The following KCNT1 variants were observed in gnomAD, a reference collection of about 807,000 sequenced individuals.
KCNT1 encodes the protein potassium channel subfamily T member 1.
A neutral mutation model predicts 147.8 loss-of-function variants in KCNT1; 78 were observed. That is an observed-to-expected ratio of 0.53 (90% CI 0.44 to 0.64). The LOEUF (loss-of-function observed/expected upper bound fraction) is 0.64. Among genes scored for constraint, KCNT1 ranks in the 30% least tolerant of loss-of-function variants. The pLI is 0.00. For missense variants in KCNT1, 1,419 were observed against 1,750.3 expected (o/e 0.81, Z 3.38); for synonymous variants, 867 against 748.8 (o/e 1.16, Z -2.58).
At chr9:135,756,968 T>TCGCC in intron 7 of KCNT1, 36 bp downstream of exon 7, 1 of 852,574 alleles carries the variant, frequency 1.2e-6, no homozygotes, top group Non-Finnish European at 1.6e-6. Flanking sequence ...TCACAGGGGG[T>TCGCC]CCCCACCCTC....
In KCNT1 at chr9:135,792,493, G is replaced by A. The variant is rs1443716605; in HGVS notation, c.*332G>A. 3 of 242,284 alleles carry A rather than the reference G, an allele frequency of 1.2e-5. No individual in the cohort carries two copies. The highest frequency in any genetic ancestry group is 1.0e-4 in the South Asian group (2 of 19,656). The allele number at this position is 242,284 out of a possible 1,614,324, so 15.0% of individuals were successfully genotyped here. The stretch of plus-strand genomic sequence containing the variant: ...TGGACGCCCTACAGGGCCGAGCCCA[G>A]GCTGTGCTGGAGGGTGGGGCTGGGG... On this transcript the variant is annotated 3_prime_UTR_variant, in exon 31 of 31. Coordinates refer to ENST00000371757, the MANE Select transcript of KCNT1 (RefSeq NM_020822.3).
chr9:135,731,963 T>TATATAC (rs1459728562), intron 2 of KCNT1, among the ~76,000 whole-genome samples: 3 of 15,270 alleles, frequency 2.0e-4, no homozygotes, highest in African/African-American at 7.3e-4. Flanking sequence ...TATGCGTGTA[T>TATATAC]ATATATATAT....
intron 18 of KCNT1, 56 bp downstream of exon 18, chr9:135,771,151 A>G (rs1007717076): frequency 1.3e-6 from 2 of 1,494,568 alleles, no homozygotes; most frequent in Non-Finnish European, 1.8e-6. Context: ...GCGGGAGACC[A>G]GGCGGGACAC....
rs1330106369 is a variant in KCNT1, at chr9:135,770,921, C to T, written c.1834C>T (p.Pro612Ser). ...DNKSILLNPG[P>S]RHILAASDTC... ...CAAGAGCATCCTGCTGAACCCGGGGCCCCGGCACATCCTGGCCGCCTCTGA... is the reference window on the plus strand; with the variant it reads ...CAAGAGCATCCTGCTGAACCCGGGGTCCCGGCACATCCTGGCCGCCTCTGA... Residue 612 changes from proline to serine, a missense_variant, in exon 18 of 31, where the codon CCC becomes TCC. Pro to Ser is a moderately conservative substitution (Grantham distance 74). This residue lies in a region of KCNT1 where 284 missense variants were observed against 292.8 expected (regional missense o/e 0.97). Coordinates refer to ENST00000371757, the MANE Select transcript of KCNT1 (RefSeq NM_020822.3). 1.9e-6 allele frequency: 3 copies of T among 1,611,398 alleles called. No individual in the cohort carries two copies. In the Admixed American group the frequency reaches 5.0e-5, roughly 27 times the overall value.
At chr9:135,745,141 A>G (rs1425387008) in intron 2 of KCNT1, among the ~76,000 whole-genome samples, 1 of 152,210 alleles carries the variant, frequency 6.6e-6, no homozygotes, top group Non-Finnish European at 1.5e-5. Flanking sequence ...GCTGTTTGCC[A>G]GATAAACAAA....
intron 13 of KCNT1, among the ~76,000 whole-genome samples, chr9:135,767,654 A>G (rs1461059980): frequency 6.6e-6 from 1 of 151,900 alleles, no homozygotes; most frequent in East Asian, 1.9e-4. Context: ...GGTCACTGGC[A>G]CACACCTAGG....
rs1833216140 is a variant in KCNT1 at position 135,776,997 on chromosome 9, C to T, written c.2350-341C>T. On this transcript the variant is annotated intron_variant, in intron 20 of 30. Transcript: ENST00000371757. ...ACCTGGGCACGTGGCGTGCTCACTG[C>T]TGTTGGCATCCCTGCTCTGAGAAAA... is the stretch of plus-strand genomic sequence containing the variant. Among the ~76,000 whole-genome samples the T allele has an allele frequency of 2.6e-5, 4 of 152,382 alleles. No individual in the cohort carries two copies. The South Asian group carries it at 6.2e-4, about 24-fold the overall frequency.
intron 1 of KCNT1, among the ~76,000 whole-genome samples, chr9:135,708,376 C>T (rs564243805): frequency 5.3e-5 from 8 of 152,352 alleles, no homozygotes; most frequent in Non-Finnish European, 8.8e-5. Context: ...CTCATTTACA[C>T]ACACATCAGC....
rs1404806309 is a variant in KCNT1 at position 135,716,311 on chromosome 9, A to C, written c.254+1591A>C. Among the ~76,000 whole-genome samples, 3 of 152,104 alleles carry C rather than the reference A, an allele frequency of 2.0e-5. No individual in the cohort carries two copies. The South Asian group carries it at 6.2e-4, about 32-fold the overall frequency. ...TAACGCCTGTGGCTGTGGTTGATCA[A>C]ATTGTAATGCTGTATTCCTGAGTGT... On this transcript the variant is annotated intron_variant, in intron 2 of 30. Coordinates refer to ENST00000371757, the MANE Select transcript of KCNT1 (RefSeq NM_020822.3).
Position 135,768,829 on chromosome 9 carries a change from G to A in KCNT1, c.1402G>A (p.Asp468Asn). 2 of 1,610,416 alleles carry A rather than the reference G, an allele frequency of 1.2e-6. No homozygotes were observed. The highest frequency in any genetic ancestry group is 1.7e-4 in the Middle Eastern group (1 of 5,906). ...ACTGACCAACCACCCACCCCGCCAG[G>A]ACCACCAGACCATCCTGCGCGCCTG... ...SRNEVDRTAA[D>N]HQTILRAWAV... is the part of the protein sequence containing the mutation. The change falls in exon 15 of 31, where the codon GAC becomes AAC. Residue 468 changes from aspartate (D) to asparagine (N), a missense_variant and splice_region_variant. Physicochemically the swap from Asp to Asn is conservative, Grantham distance 23. Around this residue, in one of 5 missense-constraint regions of KCNT1, gnomAD observed 401 missense variants for 610.6 expected, o/e 0.66. Coordinates refer to ENST00000371757, the MANE Select transcript of KCNT1 (RefSeq NM_020822.3).
chr9:135,776,742 C>T (rs570193071), intron 20 of KCNT1, among the ~76,000 whole-genome samples: 13 of 152,324 alleles, frequency 8.5e-5, no homozygotes. Flanking sequence ...CTTGACAGAT[C>T]GTTATTGATT....
chr9:135,715,510 G>A (rs1835686870), intron 2 of KCNT1, among the ~76,000 whole-genome samples: 1 of 151,742 alleles, frequency 6.6e-6, no homozygotes, highest in African/African-American at 2.4e-5. Context: ...TCCTCTTCCA[G>A]CGTGTAGGGT....
rs769135500 is a variant in KCNT1, at chr9:135,786,396, G to A, written c.3377G>A (p.Arg1126Gln). 23 of 1,575,002 alleles carry A rather than the reference G, an allele frequency of 1.5e-5. No homozygotes were observed. The East Asian group carries it at 2.1e-4, about 14-fold the overall frequency. Reference protein sequence around the residue: ...LSRKAPKQAGRAAAAEWISQQ... With the variant: ...LSRKAPKQAGQAAAAEWISQQ... ...CGCAAGGCGCCCAAGCAGGCAGGCC[G>A]GGCGGCGGCCGCGGAGTGGATCAGC... The change falls in exon 29 of 31, where the codon CGG becomes CAG. Residue 1126 changes from arginine to glutamine, a missense_variant. Around this residue, in one of 5 missense-constraint regions of KCNT1, gnomAD observed 306 missense variants for 294.2 expected, o/e 1.04. Transcript: ENST00000371757.
intron 6 of KCNT1, 28 bp downstream of exon 6, chr9:135,755,197 G>T (rs368273155): frequency 6.3e-7 from 1 of 1,590,138 alleles, no homozygotes. Context: ...CCCCCCTCCC[G>T]ACTGCAGTGG....
intron 11 of KCNT1, among the ~76,000 whole-genome samples, chr9:135,762,102 C>G (rs1831953831): frequency 6.6e-6 from 1 of 152,256 alleles, no homozygotes; most frequent in South Asian, 2.1e-4. Flanking sequence ...CCTTCCCATT[C>G]TGCTCCTGAA....
chr9:135,785,627 A>G, intron 28 of KCNT1: 1 of 573,322 alleles, frequency 1.7e-6, no homozygotes, highest in Non-Finnish European at 3.1e-6. Context: ...GGCAGCCCCC[A>G]TGCCCATCTG....
chr9:135,702,669 A>G (rs1294401961), intron 1 of KCNT1, among the ~76,000 whole-genome samples: 1 of 151,682 alleles, frequency 6.6e-6, no homozygotes, highest in Non-Finnish European at 1.5e-5. Context: ...AGGTGTGGGG[A>G]GTGGCAGGGA....
intron 2 of KCNT1, among the ~76,000 whole-genome samples, chr9:135,717,574 G>A (rs1379655268): frequency 6.6e-6 from 1 of 152,150 alleles, no homozygotes; most frequent in African/African-American, 2.4e-5. Context: ...GGGGCGCAGG[G>A]GCAAGTGAGT....
At chr9:135,783,937 GCA>G (rs1270322423) in intron 24 of KCNT1, 85 bp from the exon 25 acceptor site, 2 of 923,958 alleles carry the variant, frequency 2.2e-6, no homozygotes, top group Non-Finnish European at 3.5e-6. Context: ...CATGTACGGT[GCA>G]CACACAGTGC....
Sources: allele counts gnomAD v4.1 joint callset (sites outside exome capture counted in the v4.1 genomes callset), GRCh38; gene constraint gnomAD v4.1.1; regional missense constraint gnomAD v4.1.1; transcripts MANE v1.5; gene names NCBI Gene and HGNC (gene_info 2026-07-23, HGNC 2026-07-21).